The following ZNF519 variants were observed in gnomAD, a reference collection of about 807,000 sequenced individuals.
ZNF519 encodes zinc finger protein 519.
A neutral mutation model predicts 7.4 loss-of-function variants in ZNF519; 7 were observed. That is an observed-to-expected ratio of 0.94 (90% CI 0.54 to 1.77). The LOEUF (loss-of-function observed/expected upper bound fraction) is 1.77, where lower values mean the gene tolerates loss of function less well. Ranked by LOEUF, ZNF519 falls within the 40% of genes most tolerant of loss-of-function variation. The pLI, the probability that ZNF519 is intolerant of heterozygous loss-of-function variation, is 0.00. For missense variants in ZNF519, 586 were observed against 623.1 expected, an observed-to-expected ratio of 0.94 and a Z score of 0.63; for synonymous variants, 179 against 203.3, an observed-to-expected ratio of 0.88 and a Z score of 1.02.
At chr18:14,107,181 T>G (rs914785352) in intron 2 of ZNF519, among the ~76,000 whole-genome samples, 2 of 152,104 alleles carry the variant, frequency 1.3e-5, no homozygotes, top group African/African-American at 4.8e-5. Flanking sequence ...GGTTCACAGA[T>G]TCAAGAGACC....
chr18:14,128,756 T>C (rs1423328470), intron 1 of ZNF519, among the ~76,000 whole-genome samples: 1 of 147,116 alleles, frequency 6.8e-6, no homozygotes. Context: ...CTGATAAAAA[T>C]GATTTACATA....
chr18:14,106,731 A>G (rs1335577914), intron 2 of ZNF519, among the ~76,000 whole-genome samples: 1 of 152,116 alleles, frequency 6.6e-6, no homozygotes, highest in Non-Finnish European at 1.5e-5. Context: ...TGAATCACTA[A>G]TGCCACCCCT....
At chr18:14,121,890 G>A (rs2046271223) in intron 2 of ZNF519, 2 of 152,164 alleles carry the variant, frequency 1.3e-5, no homozygotes, top group African/African-American at 4.8e-5. Flanking sequence ...GCTTAGCAAT[G>A]TTCTAAGCTC....
At chr18:14,071,480 C>G (rs2046028173), downstream of ZNF519, 1 of 152,094 alleles carries the variant, frequency 6.6e-6, no homozygotes, top group Admixed American at 6.6e-5. Flanking sequence ...ACTGCTCAGA[C>G]TCAAGAAAAT....
At chr18:14,125,484 A>G (rs2046294520) in intron 1 of ZNF519, among the ~76,000 whole-genome samples, 1 of 152,140 alleles carries the variant, frequency 6.6e-6, no homozygotes, top group African/African-American at 2.4e-5. Flanking sequence ...TGCCATTTCT[A>G]TTTCTTCTGT....
intron 2 of ZNF519, among the ~76,000 whole-genome samples, chr18:14,116,213 G>A (rs1425527030): frequency 2.6e-5 from 4 of 152,074 alleles, no homozygotes; most frequent in African/African-American, 9.7e-5. Context: ...TAAGTGTCAG[G>A]AGATTTAATA....
chr18:14,105,960 A>G lies in ZNF519; in HGVS notation c.580T>C (p.Ser194Pro). The change falls in exon 3 of 3, where the codon TCA (serine) becomes CCA (proline). Residue 194 changes from serine to proline, a missense_variant. Transcript: ENST00000590202. ...NECEKVFYQS[S>P]KLIFPENIHI... is the part of the protein sequence containing the mutation. ...ATATTTTCAGGGAAAATAAGCTTTG[A>G]GGATTGGTAAAATACTTTTTCACAT... 1 of 1,602,746 alleles carries G rather than the reference A, an allele frequency of 6.2e-7. No individual in the cohort carries two copies. Among genetic ancestry groups the G allele is most frequent in the East Asian group, 2.2e-5 (1 of 44,734 alleles).
At chr18:14,106,455 T>C (rs1381989452) in intron 2 of ZNF519, 46 bp from the exon 3 acceptor site, 1 of 1,462,514 alleles carries the variant, frequency 6.8e-7, no homozygotes, top group Admixed American at 2.4e-5. Flanking sequence ...CTGATTTCAG[T>C]TGAATATACT....
At chr18:14,110,964 C>A (rs954831106) in intron 2 of ZNF519, among the ~76,000 whole-genome samples, 2 of 151,868 alleles carry the variant, frequency 1.3e-5, no homozygotes, top group African/African-American at 4.8e-5. Context: ...GTGACAGGTG[C>A]ACTAAAATCT....
At chr18:14,096,168 CT>C (rs1222708680), downstream of ZNF519, among the ~76,000 whole-genome samples, 1 of 152,196 alleles carries the variant, frequency 6.6e-6, no homozygotes, top group African/African-American at 2.4e-5. Context: ...AGTCAAAGTC[CT>C]TTATGTACTT....
intron 2 of ZNF519, among the ~76,000 whole-genome samples, chr18:14,119,393 T>C (rs2046260224): frequency 6.6e-6 from 1 of 152,224 alleles, no homozygotes; most frequent in Admixed American, 6.5e-5. Flanking sequence ...CATGGGTAGT[T>C]ATACTGTGCC....
intron 1 of ZNF519, among the ~76,000 whole-genome samples, chr18:14,127,722 T>G (rs189680269): frequency 1.1e-4 from 17 of 152,236 alleles, no homozygotes; most frequent in African/African-American, 4.1e-4. Context: ...CCAGGAGCAC[T>G]AATGGAGGTG....
At chr18:14,115,177 G>A (rs1399528515) in intron 2 of ZNF519, among the ~76,000 whole-genome samples, 1 of 152,130 alleles carries the variant, frequency 6.6e-6, no homozygotes, top group Non-Finnish European at 1.5e-5. Context: ...CATGTGCCCA[G>A]CACAGCTTTA....
rs771351740 is a variant in ZNF519 at position 14,101,679 on chromosome 18, C to G, written c.*3238G>C. 1.5e-5 allele frequency: 6 copies of G among 398,536 alleles called. No homozygotes were observed. Among genetic ancestry groups the G allele is most frequent in the Non-Finnish European group, 2.7e-5 (6 of 226,140 alleles). 24.7% of individuals were successfully genotyped at this position (398,536 alleles called of 1,614,324 possible). On this transcript the variant is annotated 3_prime_UTR_variant, in exon 3 of 3. Transcript: ENST00000590202. ...ACCATCTCTACACCCACACCCCAAT[C>G]GAGGCAGGAATGGCCATGACAGCAT...
chr18:14,128,017 C>CTGT, intron 1 of ZNF519, among the ~76,000 whole-genome samples: 1 of 151,854 alleles, frequency 6.6e-6, no homozygotes, highest in Non-Finnish European at 1.5e-5. Context: ...CAGCCGGGCG[C>CTGT]GGTGGCTTAC....
intron 2 of ZNF519, chr18:14,121,672 T>A (rs1443211701): frequency 6.6e-6 from 1 of 152,154 alleles, no homozygotes; most frequent in African/African-American, 2.4e-5. Flanking sequence ...GTTGCTTCAC[T>A]TACAGTTACA....
Position 14,101,842 on chromosome 18 carries a change from G to A in ZNF519, c.*3075C>T, listed in dbSNP as rs2046163440. 2.5e-6 allele frequency: 1 copy of A among 397,870 alleles called. No homozygotes were observed. The highest frequency in any genetic ancestry group is 2.1e-5 in the African/African-American group (1 of 48,596). The allele number at this position is 397,870 out of a possible 1,614,324, so 24.6% of individuals were successfully genotyped here. A position where few individuals can be genotyped will look rare whatever the true frequency, so the allele number is the denominator to read the frequency against. On this transcript the variant is annotated 3_prime_UTR_variant, in exon 3 of 3. Coordinates refer to ENST00000590202, the MANE Select transcript of ZNF519 (RefSeq NM_145287.4). ...CTGCTTGGCTGACCTGGCCTCTTCT[G>A]TCGAGTCTTTCCATTCCCCAAATCA... is the stretch of plus-strand genomic sequence containing the variant.
chr18:14,095,831 G>A (rs2046134185), downstream of ZNF519, among the ~76,000 whole-genome samples: 1 of 152,214 alleles, frequency 6.6e-6, no homozygotes, highest in Non-Finnish European at 1.5e-5. Context: ...AGAAAAGGTA[G>A]GAGCAGTCTC....
At position 14,101,533 on chromosome 18, in the gene ZNF519, C is replaced by T; in HGVS notation, c.*3384G>A. On this transcript the variant is annotated 3_prime_UTR_variant, in exon 3 of 3. Transcript: ENST00000590202. The stretch of plus-strand genomic sequence containing the variant: ...TGAAGGAAGGAAACAGACTCAGGGT[C>T]CCTTGGATTAAAACTGTGGGTCACT... 2.5e-6 allele frequency: 1 copy of T among 397,094 alleles called. No homozygotes were observed. The highest frequency in any genetic ancestry group is 4.4e-6 in the Non-Finnish European group (1 of 225,618). 24.6% of individuals were successfully genotyped at this position (397,094 alleles called of 1,614,324 possible). A position where few individuals can be genotyped will look rare whatever the true frequency, so the allele number is the denominator to read the frequency against.
Sources: gnomAD v4.1 joint callset for allele counts (sites outside exome capture counted in the v4.1 genomes callset) on GRCh38, gnomAD v4.1.1 for gene constraint, MANE v1.5 for transcripts, NCBI Gene and HGNC (gene_info 2026-07-23, HGNC 2026-07-21) for gene names.